The following MAGI2 variants were observed in gnomAD, a reference collection of about 807,000 sequenced individuals.
MAGI2 encodes membrane-associated guanylate kinase, WW and PDZ domain-containing protein 2.
A neutral mutation model predicts 133.3 loss-of-function variants in MAGI2; 35 were observed. That is an observed-to-expected ratio of 0.26 (90% CI 0.20 to 0.35). The LOEUF is 0.35. Ranked by LOEUF, MAGI2 falls within the 10% of genes least tolerant of loss-of-function variation. The pLI is 1.00. For missense variants in MAGI2, 1,636 were observed against 1,863.4 expected (o/e 0.88, Z 2.25); for synonymous variants, 729 against 710.6 (o/e 1.03, Z -0.41).
chr7:78,652,433 A>G (rs1811680858), intron 2 of MAGI2, among the ~76,000 whole-genome samples: 2 of 152,194 alleles, frequency 1.3e-5, no homozygotes, highest in African/African-American at 4.8e-5. Flanking sequence ...ACAAATATAC[A>G]GACAAATGGA....
At chr7:78,708,686 C>G (rs1366575059) in intron 2 of MAGI2, among the ~76,000 whole-genome samples, 5 of 152,114 alleles carry the variant, frequency 3.3e-5, no homozygotes, top group Admixed American at 2.6e-4. Flanking sequence ...TTTAATAACA[C>G]TAACAATAAC....
intron 1 of MAGI2, among the ~76,000 whole-genome samples, chr7:79,355,790 A>C (rs1197058705): frequency 6.6e-6 from 1 of 152,222 alleles, no homozygotes; most frequent in African/African-American, 2.4e-5. Flanking sequence ...TTCTTTGTGA[A>C]CTAATTAGTT....
At chr7:78,975,249 G>A (rs1804144500) in intron 2 of MAGI2, among the ~76,000 whole-genome samples, 1 of 151,570 alleles carries the variant, frequency 6.6e-6, no homozygotes, top group Non-Finnish European at 1.5e-5. Context: ...AACTCACCTG[G>A]AACAGTCATC....
intron 3 of MAGI2, among the ~76,000 whole-genome samples, chr7:78,534,750 T>A (rs1410750259): frequency 6.6e-6 from 1 of 152,076 alleles, no homozygotes; most frequent in Non-Finnish European, 1.5e-5. Flanking sequence ...TGTAGTCTGG[T>A]CATTTCCTGC....
intron 6 of MAGI2, among the ~76,000 whole-genome samples, chr7:78,374,798 T>G (rs1189889170): frequency 1.3e-5 from 2 of 152,196 alleles, no homozygotes; most frequent in East Asian, 3.9e-4. Flanking sequence ...TTAAATAAAA[T>G]GAGAATGTAG....
In MAGI2 at chr7:78,843,665, A is replaced by G. The variant is rs564506364; in HGVS notation, c.418+163425T>C. Among the ~76,000 whole-genome samples, 20 of 151,902 alleles carry G rather than the reference A, an allele frequency of 1.3e-4. No individual in the cohort carries two copies. The South Asian group carries it at 4.1e-3, about 31-fold the overall frequency. The stretch of plus-strand genomic sequence containing the variant: ...GTAGTCTTCTATTAGACTTAATGTC[A>G]TATTTTGTGCATTTGCCTGTGTCAT... On this transcript the variant is annotated intron_variant, in intron 2 of 21. Transcript: ENST00000354212.
chr7:78,828,504 C>A (rs1051593342), intron 2 of MAGI2, among the ~76,000 whole-genome samples: 15 of 151,398 alleles, frequency 9.9e-5, no homozygotes, highest in Non-Finnish European at 3.0e-5. Flanking sequence ...CTAACCAGTA[C>A]TCCTCCAAAG....
intron 21 of MAGI2, among the ~76,000 whole-genome samples, chr7:78,076,718 C>T (rs796199720): frequency 8.0e-5 from 12 of 149,656 alleles, no homozygotes; most frequent in African/African-American, 2.7e-4. Context: ...CGGTGGCGGG[C>T]GCCTGTAGTC....
intron 21 of MAGI2, among the ~76,000 whole-genome samples, chr7:78,070,174 C>CACATATAT (rs1321917404): frequency 2.5e-4 from 14 of 56,644 alleles, no homozygotes; most frequent in Admixed American, 5.3e-4. Context: ...CACACACACA[C>CACATATAT]ATATATATAT....
intron 1 of MAGI2, among the ~76,000 whole-genome samples, chr7:79,048,745 G>A (rs1812401441): frequency 6.6e-6 from 1 of 152,064 alleles, no homozygotes; most frequent in African/African-American, 2.4e-5. Context: ...AAGCCAAGGT[G>A]GGCCGATCAC....
At chr7:79,172,325 C>T (rs1825696546) in intron 1 of MAGI2, among the ~76,000 whole-genome samples, 1 of 152,012 alleles carries the variant, frequency 6.6e-6, no homozygotes, top group Non-Finnish European at 1.5e-5. Context: ...AGAAACCTTA[C>T]TTGTTAGTTA....
At chr7:78,573,038 T>TATAC (rs1329552278) in intron 3 of MAGI2, among the ~76,000 whole-genome samples, 1 of 17,704 alleles carries the variant, frequency 5.6e-5, no homozygotes, top group African/African-American at 8.0e-4. Flanking sequence ...TATGTATGTA[T>TATAC]ATATATATAT....
intron 2 of MAGI2, among the ~76,000 whole-genome samples, chr7:78,918,869 G>T (rs934078590): frequency 6.6e-6 from 1 of 151,988 alleles, no homozygotes; most frequent in Non-Finnish European, 1.5e-5. Context: ...ATACTGAAAA[G>T]AAGGATCAAA....
intron 1 of MAGI2, among the ~76,000 whole-genome samples, chr7:79,232,295 A>G (rs1410723833): frequency 3.4e-5 from 5 of 147,214 alleles, no homozygotes; most frequent in African/African-American, 1.3e-4. Flanking sequence ...TATCAGAATG[A>G]TGCTGGCCTC....
At chr7:79,036,533 C>A (rs1811144258) in intron 1 of MAGI2, among the ~76,000 whole-genome samples, 1 of 152,142 alleles carries the variant, frequency 6.6e-6, no homozygotes, top group Non-Finnish European at 1.5e-5. Flanking sequence ...TTAGCTTTGT[C>A]TCCTCTTTGT....
At position 78,019,955 on chromosome 7, in the gene MAGI2, G is replaced by C. The variant is rs1342985599; in HGVS notation, c.3728C>G (p.Ser1243Cys). Residue 1243 changes from serine (S) to cysteine (C), a missense_variant, in exon 22 of 22, where the codon TCT (serine) becomes TGT (cysteine). Around this residue, in one of 5 missense-constraint regions of MAGI2, gnomAD observed 354 missense variants for 298.7 expected, o/e 1.19. Coordinates refer to ENST00000354212, the MANE Select transcript of MAGI2 (RefSeq NM_012301.4). ...CAGACCTGGGGCGGCGGCAGCGGGA[G>C]AACTCCAGGGGGCGGGTTCGTCTGT... is the stretch of plus-strand genomic sequence containing the variant. ...PEYDEPAPWSSPAAAAPGLPE... is the reference protein window; with the variant it reads ...PEYDEPAPWSCPAAAAPGLPE... 1.9e-6 allele frequency: 3 copies of C among 1,607,602 alleles called. No homozygotes were observed. The Admixed American group carries it at 5.1e-5, about 27-fold the overall frequency.
At chr7:79,134,625 T>G (rs556561921) in intron 1 of MAGI2, among the ~76,000 whole-genome samples, 1 of 152,304 alleles carries the variant, frequency 6.6e-6, no homozygotes, top group East Asian at 1.9e-4. Context: ...TTCCAATTAT[T>G]TTAAAATTCA....
intron 1 of MAGI2, among the ~76,000 whole-genome samples, chr7:79,254,159 T>G (rs1258077801): frequency 6.6e-6 from 1 of 152,164 alleles, no homozygotes. Context: ...AAATGTGCAT[T>G]TCTATTTTGC....
intron 9 of MAGI2, among the ~76,000 whole-genome samples, chr7:78,284,035 A>G (rs1361218105): frequency 6.6e-6 from 1 of 152,126 alleles, no homozygotes; most frequent in Non-Finnish European, 1.5e-5. Context: ...TCAGTACCAC[A>G]AGGTGATAAA....
Sources: gnomAD v4.1 joint callset for allele counts (sites outside exome capture counted in the v4.1 genomes callset) on GRCh38, gnomAD v4.1.1 for gene constraint, gnomAD v4.1.1 regional missense constraint, MANE v1.5 for transcripts, NCBI Gene and HGNC (gene_info 2026-07-23, HGNC 2026-07-21) for gene names.